Variants in SPAG16 observed in about 807,000 individuals in gnomAD.
SPAG16 encodes sperm associated antigen 16, also known as sperm-associated antigen 16 protein.
Under a neutral mutation model 80.4 loss-of-function variants are expected in SPAG16, and 86 were observed. That is an observed-to-expected ratio of 1.07 (90% CI 0.90 to 1.28). The LOEUF (loss-of-function observed/expected upper bound fraction) is 1.28. SPAG16 is among the 50% of genes most tolerant of loss of function. SPAG16 has a pLI of 0.00. For missense variants in SPAG16, 870 were observed against 765.3 expected, an observed-to-expected ratio of 1.14 and a Z score of -1.61; for synonymous variants, 294 against 265.9, an observed-to-expected ratio of 1.11 and a Z score of -1.03.
chr2:213,493,953 C>T (rs1575742573), intron 10 of SPAG16, among the ~76,000 whole-genome samples: 1 of 152,196 alleles, frequency 6.6e-6, no homozygotes, highest in African/African-American at 2.4e-5. Context: ...CTCTTCCTTT[C>T]CTCTCCTGAA....
rs868477364 is a variant in SPAG16 at position 214,387,796 on chromosome 2, C to T, written c.1721-22344C>T. Among the ~76,000 whole-genome samples the T allele has an allele frequency of 9.2e-5, 14 of 152,252 alleles. No homozygotes were observed. The South Asian group carries it at 1.2e-3, about 14-fold the overall frequency. ...AAGCCCCTTATAAAACATCGGCTCT[C>T]ATGAGAACTAACTCACTGTCAGGAG... is the stretch of plus-strand genomic sequence containing the variant. On this transcript the variant is annotated intron_variant, in intron 15 of 15. Transcript: ENST00000331683.
intron 10 of SPAG16, among the ~76,000 whole-genome samples, chr2:213,541,405 G>A (rs1054499477): frequency 6.6e-6 from 1 of 152,078 alleles, no homozygotes; most frequent in Non-Finnish European, 1.5e-5. Flanking sequence ...GATCACCTGA[G>A]GTCAGGAGTT....
chr2:214,248,320 TTA>T (rs1690006785), intron 15 of SPAG16, among the ~76,000 whole-genome samples: 4 of 123,524 alleles, frequency 3.2e-5, no homozygotes, highest in African/African-American at 1.2e-4. Context: ...ATTATTATTA[TTA>T]TTATTATTAT....
chr2:213,637,809 G>A (rs1226941884), intron 10 of SPAG16, among the ~76,000 whole-genome samples: 1 of 152,184 alleles, frequency 6.6e-6, no homozygotes, highest in Non-Finnish European at 1.5e-5. Flanking sequence ...CCAGGCTGGA[G>A]TGTAGTGGCT....
chr2:213,401,080 ATTACAGG>A (rs1349260591), intron 9 of SPAG16, among the ~76,000 whole-genome samples: 1 of 152,206 alleles, frequency 6.6e-6, no homozygotes, highest in Non-Finnish European at 1.5e-5. Flanking sequence ...AAGTGCTGAG[ATTACAGG>A]TGTGAGCCAC....
At chr2:213,770,190 A>G (rs990380059) in intron 10 of SPAG16, among the ~76,000 whole-genome samples, 1 of 152,190 alleles carries the variant, frequency 6.6e-6, no homozygotes, top group African/African-American at 2.4e-5. Flanking sequence ...TGGGGCTATT[A>G]GGAATGAAAG....
At chr2:213,742,763 G>C (rs1351634863) in intron 10 of SPAG16, among the ~76,000 whole-genome samples, 1 of 151,296 alleles carries the variant, frequency 6.6e-6, no homozygotes, top group Non-Finnish European at 1.5e-5. Flanking sequence ...ATGTTGGCCA[G>C]GCTGGTCCTG....
intron 15 of SPAG16, among the ~76,000 whole-genome samples, chr2:214,176,486 G>T (rs73987195): frequency 6.6e-6 from 1 of 150,862 alleles, no homozygotes; most frequent in Non-Finnish European, 1.5e-5. Flanking sequence ...GCTACTAAGC[G>T]GTCTTTCAAA....
At chr2:213,359,872 G>A (rs140254552) in intron 7 of SPAG16, among the ~76,000 whole-genome samples, 96 of 152,188 alleles carry the variant, frequency 6.3e-4, no homozygotes, top group African/African-American at 2.3e-3. Flanking sequence ...GGGAGCTGCA[G>A]ACGGGAGCTG....
chr2:213,537,631 T>C (rs1409841703), intron 10 of SPAG16, among the ~76,000 whole-genome samples: 1 of 152,212 alleles, frequency 6.6e-6, no homozygotes, highest in Non-Finnish European at 1.5e-5. Flanking sequence ...TTTTGGTTTT[T>C]GATGTCTCTA....
chr2:213,927,658 CAAAG>C (rs1365847645), intron 11 of SPAG16, among the ~76,000 whole-genome samples: 5 of 152,140 alleles, frequency 3.3e-5, no homozygotes, highest in Admixed American at 3.3e-4. Flanking sequence ...ACAGCACTCA[CAAAG>C]AAATAATACT....
chr2:214,403,111 T>C (rs970535497), intron 15 of SPAG16, among the ~76,000 whole-genome samples: 5 of 151,124 alleles, frequency 3.3e-5, no homozygotes, highest in East Asian at 1.9e-4. Context: ...TGGAGTCATA[T>C]AGACCTCAAA....
At chr2:213,338,122 C>T (rs2124934887) in intron 5 of SPAG16, among the ~76,000 whole-genome samples, 1 of 152,214 alleles carries the variant, frequency 6.6e-6, no homozygotes, top group Non-Finnish European at 1.5e-5. Flanking sequence ...AACTCAGCTT[C>T]ATAAGTGAAG....
chr2:213,430,365 T>C (rs1244805178), intron 9 of SPAG16, among the ~76,000 whole-genome samples: 2 of 152,222 alleles, frequency 1.3e-5, no homozygotes, highest in Admixed American at 1.3e-4. Context: ...GTTAGCAAGC[T>C]TTTCTAACCT....
At chr2:214,177,971 G>GTATATA (rs34460783) in intron 15 of SPAG16, among the ~76,000 whole-genome samples, 332 of 58,974 alleles carry the variant, frequency 5.6e-3, no homozygotes, top group Admixed American at 9.6e-3. Context: ...CAAAGTGTAT[G>GTATATA]TATATATATA....
At chr2:214,058,403 T>TA (rs1438248199) in intron 13 of SPAG16, among the ~76,000 whole-genome samples, 3 of 152,102 alleles carry the variant, frequency 2.0e-5, no homozygotes, top group Non-Finnish European at 2.9e-5. Context: ...GCAGAACACA[T>TA]ACAGCATTTA....
intron 9 of SPAG16, among the ~76,000 whole-genome samples, chr2:213,471,719 C>T (rs1018802130): frequency 6.6e-6 from 1 of 152,182 alleles, no homozygotes; most frequent in Non-Finnish European, 1.5e-5. Context: ...GTTGCAGAGC[C>T]TTCTCCTGTT....
At chr2:213,821,167 C>T (rs2072910893) in intron 10 of SPAG16, among the ~76,000 whole-genome samples, 1 of 151,938 alleles carries the variant, frequency 6.6e-6, no homozygotes, top group Admixed American at 6.6e-5. Flanking sequence ...ATATTGTTTT[C>T]TATTTTTATG....
chr2:213,706,810 A>G (rs2065773844), intron 10 of SPAG16, among the ~76,000 whole-genome samples: 1 of 152,064 alleles, frequency 6.6e-6, no homozygotes, highest in Non-Finnish European at 1.5e-5. Flanking sequence ...AAGTTTCATG[A>G]GATTATACTC....
Sources: allele counts gnomAD v4.1 joint callset (sites outside exome capture counted in the v4.1 genomes callset), GRCh38; gene constraint gnomAD v4.1.1; transcripts MANE v1.5; gene names NCBI Gene and HGNC (gene_info 2026-07-23, HGNC 2026-07-21).